Variants in IRF3 observed in about 807,000 individuals in gnomAD.
IRF3 encodes interferon regulatory factor 3.
Under a neutral mutation model 43.2 loss-of-function variants are expected in IRF3, and 29 were observed. The observed-to-expected ratio is 0.67, with a 90% confidence interval of 0.50 to 0.91. The LOEUF (loss-of-function observed/expected upper bound fraction) is 0.91, where lower values mean the gene tolerates loss of function less well. Ranked by LOEUF, IRF3 falls within the 40% of genes least tolerant of loss-of-function variation. IRF3 has a pLI of 0.00. For synonymous variants in IRF3, 228 were observed against 233.9 expected (o/e 0.97, Z 0.23); for missense variants, 505 against 559.1 (o/e 0.90, Z 0.98).
rs1181819640 is a variant in IRF3, at chr19:49,660,727, G to A, written c.1084C>T (p.Leu362Phe). The A allele has an allele frequency of 6.2e-7, 1 of 1,604,934 alleles. No individual in the cohort carries two copies. Among genetic ancestry groups the A allele is most frequent in the South Asian group, 1.1e-5 (1 of 88,962 alleles). The change falls in exon 7 of 8, where the codon CTC (leucine) becomes TTC (phenylalanine). Residue 362 changes from leucine to phenylalanine, a missense_variant. Physicochemically the swap from Leu to Phe is conservative, Grantham distance 22 (BLOSUM62 0). Transcript: ENST00000377139. The stretch of plus-strand genomic sequence containing the variant: ...TCTGCAGGCACCTTGACCATCACGA[G>A]CCTCTTGGTCCACGGCTGGTCCTGG... ...WPQDQPWTKRLVMVKVVPTCL... is the reference protein window; with the variant it reads ...WPQDQPWTKRFVMVKVVPTCL...
At chr19:49,664,936 G>C in intron 1 of IRF3, 90 bp from the exon 2 acceptor site, 1 of 1,355,838 alleles carries the variant, frequency 7.4e-7, no homozygotes, top group Non-Finnish European at 9.9e-7. Flanking sequence ...CTTCTCACGG[G>C]CCACGGCACA....
At chr19:49,665,539 G>C in intron 1 of IRF3, 92 bp downstream of exon 1, 1 of 381,678 alleles carries the variant, frequency 2.6e-6, no homozygotes, top group Non-Finnish European at 4.8e-6. Flanking sequence ...AGAGTACACA[G>C]CCTGCCTTTC....
In IRF3 at chr19:49,665,774, T is replaced by G; in HGVS notation, c.-152A>C. 2 of 1,554,160 alleles carry G rather than the reference T, an allele frequency of 1.3e-6. No homozygotes were observed. The highest frequency in any genetic ancestry group is 1.7e-6 in the Non-Finnish European group (2 of 1,146,074). ...TGGGGCTTTCTTTTTGATCGACTTCTTGAAATAAAACCAACTTTATCATTC... is the reference window on the plus strand; with the variant it reads ...TGGGGCTTTCTTTTTGATCGACTTCGTGAAATAAAACCAACTTTATCATTC... On this transcript the variant is annotated 5_prime_UTR_variant, in exon 1 of 8. Transcript: ENST00000377139.
chr19:49,664,065 T>C (rs1346240697), intron 2 of IRF3, among the ~76,000 whole-genome samples: 1 of 152,152 alleles, frequency 6.6e-6, no homozygotes, highest in East Asian at 1.9e-4. Flanking sequence ...AGATGGAGCC[T>C]ATGTTGCCCA....
chr19:49,664,416 C>T, intron 2 of IRF3: 1 of 1,452,320 alleles, frequency 6.9e-7, no homozygotes, highest in African/African-American at 1.4e-5. Context: ...CCCAAACCCC[C>T]AGGATGCATT....
At position 49,660,701 on chromosome 19, in the gene IRF3, G is replaced by A; in HGVS notation, c.1098+12C>T. The A allele has an allele frequency of 2.5e-6, 4 of 1,579,452 alleles. No individual in the cohort carries two copies. Among genetic ancestry groups the A allele is most frequent in the Non-Finnish European group, 3.4e-6 (4 of 1,162,836 alleles). The stretch of plus-strand genomic sequence containing the variant: ...ACCCCTTTCAGCCCCAGGGACTCAG[G>A]TCTGCAGGCACCTTGACCATCACGA... On this transcript the variant is annotated intron_variant, in intron 7 of 7. Coordinates refer to ENST00000377139, the MANE Select transcript of IRF3 (RefSeq NM_001571.6).
intron 2 of IRF3, among the ~76,000 whole-genome samples, chr19:49,664,082 C>G (rs2081501876): frequency 6.6e-6 from 1 of 152,128 alleles, no homozygotes; most frequent in Non-Finnish European, 1.5e-5. Flanking sequence ...CCCAAGCTGG[C>G]CTCAAACTCC....
chr19:49,664,539 C>G, intron 2 of IRF3, 135 bp downstream of exon 2: 14 of 1,480,404 alleles, frequency 9.5e-6, no homozygotes, highest in South Asian at 1.1e-5. Flanking sequence ...CCCTCCCGTT[C>G]TAGCCCCACC....
At chr19:49,664,609 A>T in intron 2 of IRF3, 65 bp downstream of exon 2, 1 of 1,539,522 alleles carries the variant, frequency 6.5e-7, no homozygotes, top group Admixed American at 1.7e-5. Flanking sequence ...AGCCGGGCCC[A>T]CTAGGAGTCC....
Position 49,664,768 on chromosome 19 carries a change from A to G in IRF3, c.71T>C (p.Val24Ala). ...CGTGCGGCTCTTGTTCACCCAGGCC[A>G]CGCCCTCCAGTTGCCCCAGGTCCAG... ...SQLDLGQLEG[V>A]AWVNKSRTRF... is the part of the protein sequence containing the mutation. Residue 24 changes from valine (V) to alanine (A), a missense_variant, in exon 2 of 8, where the codon GTG becomes GCG. Physicochemically the swap from Val to Ala is moderately conservative, Grantham distance 64 (BLOSUM62 0). Transcript: ENST00000377139. 1 of 1,613,896 alleles carries G rather than the reference A, an allele frequency of 6.2e-7. No individual in the cohort carries two copies. The highest frequency in any genetic ancestry group is 8.5e-7 in the Non-Finnish European group (1 of 1,179,948).
chr19:49,663,165 A>G, intron 4 of IRF3, 23 bp downstream of exon 4: 1 of 1,603,338 alleles, frequency 6.2e-7, no homozygotes, highest in Non-Finnish European at 8.5e-7. Context: ...ACTGAGGGGC[A>G]TGAAAGTTGG....
Position 49,664,814 on chromosome 19 carries a change from G to C in IRF3, c.25C>G (p.Leu9Val). ...TCCAGCTGCGACACCAGCCAGGGCAGGATCCGTGGCTTTGGGGTTCCCATG... is the reference window on the plus strand; with the variant it reads ...TCCAGCTGCGACACCAGCCAGGGCACGATCCGTGGCTTTGGGGTTCCCATG... MGTPKPRI[L>V]PWLVSQLDLG... The change falls in exon 2 of 8, where the codon CTG becomes GTG. Residue 9 changes from leucine to valine, a missense_variant. Coordinates refer to ENST00000377139, the MANE Select transcript of IRF3 (RefSeq NM_001571.6). 1 of 1,613,574 alleles carries C rather than the reference G, an allele frequency of 6.2e-7. No individual in the cohort carries two copies. The highest frequency in any genetic ancestry group is 8.5e-7 in the Non-Finnish European group (1 of 1,179,820).
chr19:49,663,249 T>C lies in IRF3; in HGVS notation c.347A>G (p.Asp116Gly). Reference sequence around the variant, plus strand: ...CGGAGAGGTGTCTGGCTGGGAAAAGTCCCCAACTCCTGTTGAGAAAAGTGG... The same window carrying C: ...CGGAGAGGTGTCTGGCTGGGAAAAGCCCCCAACTCCTGTTGAGAAAAGTGG... ...IYEFVNSGVG[D>G]FSQPDTSPDT... Residue 116 changes from aspartate to glycine, a missense_variant, in exon 4 of 8, where the codon GAC becomes GGC. Coordinates refer to ENST00000377139, the MANE Select transcript of IRF3 (RefSeq NM_001571.6). 6.2e-7 allele frequency: 1 copy of C among 1,613,976 alleles called. No homozygotes were observed. Among genetic ancestry groups the C allele is most frequent in the Non-Finnish European group, 8.5e-7 (1 of 1,179,980 alleles).
At chr19:49,661,924 G>A in intron 6 of IRF3, 24 bp downstream of exon 6, 1 of 1,585,790 alleles carries the variant, frequency 6.3e-7, no homozygotes, top group South Asian at 1.2e-5. Context: ...GTACTGGCCA[G>A]GTCGAAGCCC....
At chr19:49,661,824 C>T (rs2081343820) in intron 6 of IRF3, 124 bp downstream of exon 6, 5 of 1,168,142 alleles carry the variant, frequency 4.3e-6, no homozygotes, top group Middle Eastern at 2.9e-4. Flanking sequence ...TGTCATCTGC[C>T]CACCTCAGCC....
chr19:49,662,307 G>T lies in IRF3; in HGVS notation c.623C>A (p.Ala208Asp), dbSNP rs759711645. 1 of 1,613,598 alleles carries T rather than the reference G, an allele frequency of 6.2e-7. No individual in the cohort carries two copies. Among genetic ancestry groups the T allele is most frequent in the East Asian group, 2.2e-5 (1 of 44,890 alleles). Residue 208 changes from alanine to aspartate, a missense_variant, in exon 6 of 8, where the codon GCC becomes GAC. Physicochemically the swap from Ala to Asp is moderately radical, Grantham distance 126. Transcript: ENST00000377139. ...GAAGACTTGGCGGCCCCGGTAGAAG[G>T]CTGTCACCTCGAACTCCCACTCTGA... The part of the protein sequence containing the change: ...PGEEWEFEVT[A>D]FYRGRQVFQQ...
At chr19:49,664,639 T>C in intron 2 of IRF3, 35 bp downstream of exon 2, 2 of 1,608,950 alleles carry the variant, frequency 1.2e-6, no homozygotes, top group East Asian at 2.2e-5. Context: ...AGCGCGCAGC[T>C]CCGGGTTTCC....
intron 7 of IRF3, among the ~76,000 whole-genome samples, 155 bp from the exon 8 acceptor site, chr19:49,659,988 C>CACACACAT (rs1555753003): frequency 2.9e-5 from 2 of 69,878 alleles, no homozygotes; most frequent in African/African-American, 1.4e-4. Context: ...TAGTTTTACA[C>CACACACAT]ACACACACAC....
At chr19:49,664,448 T>C in intron 2 of IRF3, 4 of 1,511,930 alleles carry the variant, frequency 2.6e-6, no homozygotes, top group Non-Finnish European at 3.5e-6. Flanking sequence ...CTAACCGGCT[T>C]TCCCGGTTTT....
Sources: gnomAD v4.1 joint callset for allele counts (sites outside exome capture counted in the v4.1 genomes callset) on GRCh38, gnomAD v4.1.1 for gene constraint, MANE v1.5 for transcripts, NCBI Gene and HGNC (gene_info 2026-07-23, HGNC 2026-07-21) for gene names.